The following PIP4K2A variants were observed in gnomAD, a reference collection of about 807,000 sequenced individuals.
PIP4K2A encodes the protein phosphatidylinositol-5-phosphate 4-kinase type 2 alpha, also known as phosphatidylinositol 5-phosphate 4-kinase type-2 alpha.
Under a neutral mutation model 42.9 loss-of-function variants are expected in PIP4K2A, and 14 were observed. The observed-to-expected ratio is 0.33, with a 90% CI of 0.22 to 0.51. PIP4K2A has a LOEUF of 0.51. Among genes scored for constraint, PIP4K2A ranks in the 20% least tolerant of loss-of-function variants. PIP4K2A has a pLI of 0.97. For synonymous variants in PIP4K2A, 192 were observed against 192.2 expected, an observed-to-expected ratio of 1.00 and a Z score of 0.01; for missense variants, 434 against 519.8, an observed-to-expected ratio of 0.83 and a Z score of 1.61.
intron 3 of PIP4K2A, among the ~76,000 whole-genome samples, chr10:22,605,579 G>C (rs1307449686): frequency 6.6e-6 from 1 of 152,140 alleles, no homozygotes; most frequent in Non-Finnish European, 1.5e-5. Flanking sequence ...GTTCATTTTG[G>C]ATCTCATTTG....
chr10:22,536,180 CATCTT>C lies in PIP4K2A; in HGVS notation c.*1016_*1020del, dbSNP rs539069932. On this transcript the variant is annotated 3_prime_UTR_variant, in exon 10 of 10. Coordinates refer to ENST00000376573, the MANE Select transcript of PIP4K2A (RefSeq NM_005028.5). Reference sequence around the variant, plus strand: ...TGTTGAAACAATGGTCAAACATAAACATCTTATAATTCAGATCTGCATTTGGTAAC... The same window carrying C: ...TGTTGAAACAATGGTCAAACATAAACATAATTCAGATCTGCATTTGGTAAC... 2.5e-6 allele frequency: 1 copy of C among 398,366 alleles called. No individual in the cohort carries two copies. The highest frequency in any genetic ancestry group is 4.4e-6 in the Non-Finnish European group (1 of 226,014). 24.7% of individuals were successfully genotyped at this position (398,366 alleles called of 1,614,324 possible). A position where few individuals can be genotyped will look rare whatever the true frequency, so the allele number is the denominator to read the frequency against.
chr10:22,570,686 A>G (rs1258962754), intron 5 of PIP4K2A, among the ~76,000 whole-genome samples: 1 of 152,236 alleles, frequency 6.6e-6, no homozygotes, highest in African/African-American at 2.4e-5. Context: ...TACAAAGCCA[A>G]AACTATTTTT....
chr10:22,579,520 C>G (rs1298111154), intron 4 of PIP4K2A, among the ~76,000 whole-genome samples: 1 of 152,222 alleles, frequency 6.6e-6, no homozygotes, highest in Non-Finnish European at 1.5e-5. Flanking sequence ...TCCTCCCTAT[C>G]CTCACCCTTG....
chr10:22,706,005 G>C (rs969515132), intron 1 of PIP4K2A, among the ~76,000 whole-genome samples: 1 of 151,880 alleles, frequency 6.6e-6, no homozygotes, highest in African/African-American at 2.4e-5. Context: ...GCAGAAGAAT[G>C]AACACCCAGC....
At chr10:22,662,008 C>T (rs1588692239) in intron 1 of PIP4K2A, 4 of 152,168 alleles carry the variant, frequency 2.6e-5, no homozygotes, top group Admixed American at 2.0e-4. Context: ...ACAGTCAAAA[C>T]AACACCCTTG....
At chr10:22,638,670 G>GA (rs1223501168) in intron 1 of PIP4K2A, among the ~76,000 whole-genome samples, 1 of 151,840 alleles carries the variant, frequency 6.6e-6, no homozygotes, top group South Asian at 2.1e-4. Flanking sequence ...AAGGGGGAGG[G>GA]AAAAAAACCC....
At chr10:22,669,166 G>A (rs904240299) in intron 1 of PIP4K2A, among the ~76,000 whole-genome samples, 1 of 152,118 alleles carries the variant, frequency 6.6e-6, no homozygotes, top group African/African-American at 2.4e-5. Context: ...ACTATAATGA[G>A]GGGAGATTTT....
Position 22,597,401 on chromosome 10 carries a change from T to C in PIP4K2A, c.340-5620A>G, listed in dbSNP as rs538378379. 2.0e-5 allele frequency among the ~76,000 whole-genome samples: 3 copies of C among 152,332 alleles called. No homozygotes were observed. The South Asian group carries it at 6.2e-4, about 32-fold the overall frequency. ...AGAATTCTTCACATTTCTGACCATG[T>C]GGCACACTGCATCATGTCTATTTAA... On this transcript the variant is annotated intron_variant, in intron 3 of 9. Coordinates refer to ENST00000376573, the MANE Select transcript of PIP4K2A (RefSeq NM_005028.5).
chr10:22,711,854 T>C (rs1468028305), intron 1 of PIP4K2A, among the ~76,000 whole-genome samples: 1 of 152,170 alleles, frequency 6.6e-6, no homozygotes, highest in Non-Finnish European at 1.5e-5. Context: ...AGATTTCATG[T>C]TTATATTACA....
chr10:22,549,127 C>G (rs530203181), intron 7 of PIP4K2A, among the ~76,000 whole-genome samples: 3 of 152,004 alleles, frequency 2.0e-5, no homozygotes, highest in Non-Finnish European at 4.4e-5. Flanking sequence ...AGTATGTATA[C>G]TATAAATAAT....
intron 1 of PIP4K2A, among the ~76,000 whole-genome samples, chr10:22,616,397 T>C (rs1838178925): frequency 1.3e-5 from 2 of 152,038 alleles, no homozygotes; most frequent in African/African-American, 4.8e-5. Context: ...GGGGTAGAGG[T>C]GCTATTATCA....
intron 1 of PIP4K2A, among the ~76,000 whole-genome samples, chr10:22,652,921 C>T (rs1839022697): frequency 6.6e-6 from 1 of 152,048 alleles, no homozygotes; most frequent in African/African-American, 2.4e-5. Context: ...TAATGAGACC[C>T]CCATCTCCAC....
At chr10:22,659,911 T>C (rs1315547199) in intron 1 of PIP4K2A, among the ~76,000 whole-genome samples, 1 of 152,182 alleles carries the variant, frequency 6.6e-6, no homozygotes, top group South Asian at 2.1e-4. Flanking sequence ...AGGGCTGTTT[T>C]CAGACTGAGG....
At chr10:22,604,397 G>C (rs1283237708) in intron 3 of PIP4K2A, among the ~76,000 whole-genome samples, 1 of 151,828 alleles carries the variant, frequency 6.6e-6, no homozygotes, top group East Asian at 1.9e-4. Flanking sequence ...AACAAGACAA[G>C]TCGGGACCAT....
intron 1 of PIP4K2A, among the ~76,000 whole-genome samples, chr10:22,633,165 CA>C (rs1203680761): frequency 2.0e-5 from 3 of 152,216 alleles, no homozygotes; most frequent in African/African-American, 7.2e-5. Context: ...TTGCATGGCG[CA>C]GGGGATTCAG....
intron 1 of PIP4K2A, among the ~76,000 whole-genome samples, chr10:22,613,837 T>G (rs1188579057): frequency 6.6e-6 from 1 of 152,104 alleles, no homozygotes; most frequent in African/African-American, 2.4e-5. Flanking sequence ...TGGAGGGTGT[T>G]TGCTGGCTGA....
intron 6 of PIP4K2A, among the ~76,000 whole-genome samples, chr10:22,565,430 C>A: frequency 6.6e-6 from 1 of 152,172 alleles, no homozygotes; most frequent in East Asian, 1.9e-4. Context: ...TTACTGCAAT[C>A]TCTCAACATA....
intron 1 of PIP4K2A, among the ~76,000 whole-genome samples, chr10:22,674,518 A>G (rs1839517973): frequency 6.6e-6 from 1 of 151,850 alleles, no homozygotes; most frequent in Admixed American, 6.6e-5. Context: ...CTTATTGTAC[A>G]TCTACTTTAT....
At chr10:22,584,567 A>C (rs1837349570) in intron 4 of PIP4K2A, among the ~76,000 whole-genome samples, 1 of 152,182 alleles carries the variant, frequency 6.6e-6, no homozygotes, top group Non-Finnish European at 1.5e-5. Flanking sequence ...CTGCAGGAAA[A>C]GCTTGCTGGG....
Sources: gnomAD v4.1 joint callset for allele counts (sites outside exome capture counted in the v4.1 genomes callset) on GRCh38, gnomAD v4.1.1 for gene constraint, MANE v1.5 for transcripts, NCBI Gene and HGNC (gene_info 2026-07-23, HGNC 2026-07-21) for gene names.